TACC2: variants seen among roughly 807,000 people sequenced by gnomAD.
The protein encoded by TACC2 is transforming acidic coiled-coil containing protein 2.
A neutral mutation model predicts 227.3 loss-of-function variants in TACC2; 137 were observed. That is an observed-to-expected ratio of 0.60 (90% CI 0.52 to 0.69). The LOEUF is 0.69. Among genes scored for constraint, TACC2 ranks in the 30% least tolerant of loss-of-function variants. TACC2 has a pLI of 0.00. For synonymous variants in TACC2, 1,523 were observed against 1,487.5 expected, an observed-to-expected ratio of 1.02 and a Z score of -0.55; for missense variants, 3,470 against 3,694.4, an observed-to-expected ratio of 0.94 and a Z score of 1.57.
At chr10:122,183,076 G>A (rs1433327931) in intron 7 of TACC2, among the ~76,000 whole-genome samples, 4 of 152,140 alleles carry the variant, frequency 2.6e-5, no homozygotes, top group East Asian at 1.9e-4. Flanking sequence ...GTGGTGGCAC[G>A]TGCCTGTAAT....
chr10:122,005,559 T>C (rs1954989126), intron 1 of TACC2, among the ~76,000 whole-genome samples: 1 of 151,110 alleles, frequency 6.6e-6, no homozygotes, highest in African/African-American at 2.4e-5. Context: ...TGATTTTTTG[T>C]ATTTTTAGTA....
At chr10:122,235,708 G>A (rs988529826) in intron 16 of TACC2, among the ~76,000 whole-genome samples, 6 of 152,106 alleles carry the variant, frequency 3.9e-5, no homozygotes, top group African/African-American at 1.2e-4. Flanking sequence ...GTGAGGCTCC[G>A]GCCCTGCGGC....
chr10:122,010,487 A>T (rs1955790665), intron 1 of TACC2, among the ~76,000 whole-genome samples: 1 of 152,170 alleles, frequency 6.6e-6, no homozygotes, highest in Admixed American at 6.6e-5. Context: ...ACTGCAAATC[A>T]TGTTTCCATT....
chr10:122,016,749 A>C (rs1000508629), intron 1 of TACC2, among the ~76,000 whole-genome samples: 5 of 152,088 alleles, frequency 3.3e-5, no homozygotes, highest in African/African-American at 1.2e-4. Flanking sequence ...TTCCGACTCC[A>C]AGTTTCTTCT....
At chr10:121,996,036 G>A (rs966599034) in intron 1 of TACC2, among the ~76,000 whole-genome samples, 1 of 152,096 alleles carries the variant, frequency 6.6e-6, no homozygotes, top group Non-Finnish European at 1.5e-5. Context: ...ACAGGCATGA[G>A]CCACTGCACC....
At chr10:122,198,005 C>T (rs2094633790) in intron 8 of TACC2, among the ~76,000 whole-genome samples, 1 of 152,268 alleles carries the variant, frequency 6.6e-6, no homozygotes, top group Non-Finnish European at 1.5e-5. Flanking sequence ...TGTTTACTTT[C>T]CTCTGCACAG....
intron 7 of TACC2, chr10:122,192,645 G>C (rs2094447098): frequency 4.4e-6 from 2 of 455,224 alleles, no homozygotes; most frequent in South Asian, 3.1e-5. Flanking sequence ...TTAGGGGTGG[G>C]AATTTGGGGG....
chr10:122,226,453 A>G lies in TACC2; in HGVS notation c.7696A>G (p.Met2566Val), dbSNP rs781226002. Residue 2566 changes from methionine (M) to valine (V), a missense_variant, in exon 13 of 23, where the codon ATG becomes GTG. Physicochemically the swap from Met to Val is conservative, Grantham distance 21. Coordinates refer to ENST00000369005, the MANE Select transcript of TACC2 (RefSeq NM_206862.4). ...ESPVKSSPVR[M>V]SESPTPCSGS... ...CCCTGTCAAGTCATCTCCCGTCCGC[A>G]TGTCAGAGTCCCCGACGCCGTGTTC... The G allele has an allele frequency of 1.2e-6, 2 of 1,614,036 alleles. No individual in the cohort carries two copies. Among genetic ancestry groups the G allele is most frequent in the Non-Finnish European group, 1.7e-6 (2 of 1,179,960 alleles).
intron 3 of TACC2, among the ~76,000 whole-genome samples, chr10:122,058,896 T>G (rs1268781412): frequency 1.8e-4 from 2 of 11,340 alleles, no homozygotes; most frequent in Admixed American, 2.2e-3. Flanking sequence ...CTCTGTGTGT[T>G]TTTTTTTTTT....
At chr10:122,058,445 T>C (rs1423521401) in intron 3 of TACC2, among the ~76,000 whole-genome samples, 1 of 152,188 alleles carries the variant, frequency 6.6e-6, no homozygotes, top group African/African-American at 2.4e-5. Context: ...AGTCTCACTC[T>C]GTCGCCAGAC....
chr10:122,033,833 C>A (rs890155593), intron 2 of TACC2, among the ~76,000 whole-genome samples: 4 of 152,042 alleles, frequency 2.6e-5, no homozygotes, highest in African/African-American at 9.7e-5. Flanking sequence ...CCAGGCGTGG[C>A]AGTCATCCAG....
intron 9 of TACC2, 144 bp from the exon 10 acceptor site, chr10:122,215,247 C>T (rs2095376647): frequency 1.5e-6 from 1 of 681,016 alleles, no homozygotes; most frequent in Non-Finnish European, 2.7e-6. Flanking sequence ...GGCGTGGCCT[C>T]TCGCTGGTGC....
chr10:122,206,163 C>T (rs10887104), intron 8 of TACC2, among the ~76,000 whole-genome samples: 29,381 of 152,066 alleles, frequency 0.19, 4,188 homozygotes, highest in African/African-American at 0.37. Flanking sequence ...GAGAAACAGT[C>T]CAGCAAGGCT....
At chr10:122,181,599 A>G (rs1368991105) in intron 7 of TACC2, among the ~76,000 whole-genome samples, 1 of 152,214 alleles carries the variant, frequency 6.6e-6, no homozygotes, top group Non-Finnish European at 1.5e-5. Context: ...CTCACCTCTC[A>G]TGAATTTGGA....
At chr10:122,002,993 G>A (rs775402415) in intron 1 of TACC2, among the ~76,000 whole-genome samples, 29 of 151,874 alleles carry the variant, frequency 1.9e-4, no homozygotes, top group Non-Finnish European at 3.4e-4. Context: ...ACCTGAGGTC[G>A]GGAGTTTGAA....
At chr10:122,116,374 A>G (rs2084702616) in intron 5 of TACC2, among the ~76,000 whole-genome samples, 1 of 152,228 alleles carries the variant, frequency 6.6e-6, no homozygotes, top group South Asian at 2.1e-4. Context: ...GAGATAAAGC[A>G]AAGTCCCCAA....
At chr10:121,996,027 C>T (rs1953434548) in intron 1 of TACC2, among the ~76,000 whole-genome samples, 1 of 152,150 alleles carries the variant, frequency 6.6e-6, no homozygotes, top group African/African-American at 2.4e-5. Context: ...GTTGGGATTA[C>T]AGGCATGAGC....
intron 14 of TACC2, among the ~76,000 whole-genome samples, chr10:122,229,054 C>T (rs533793652): frequency 8.4e-4 from 127 of 152,072 alleles, no homozygotes; most frequent in Non-Finnish European, 1.5e-3. Context: ...TTTCACCTTC[C>T]GCTGGCTAGC....
At chr10:122,082,039 A>G (rs1306189874) in intron 3 of TACC2, among the ~76,000 whole-genome samples, 1 of 151,936 alleles carries the variant, frequency 6.6e-6, no homozygotes, top group East Asian at 1.9e-4. Context: ...CTGAGTTGTC[A>G]GCACGGTGGC....
Sources: gnomAD v4.1 joint callset for allele counts (sites outside exome capture counted in the v4.1 genomes callset) on GRCh38, gnomAD v4.1.1 for gene constraint, MANE v1.5 for transcripts, NCBI Gene and HGNC (gene_info 2026-07-23, HGNC 2026-07-21) for gene names.